The following TCAIM variants were observed in gnomAD, a reference collection of about 807,000 sequenced individuals.
TCAIM encodes T cell activation inhibitor, mitochondrial.
Under a neutral mutation model 58.6 loss-of-function variants are expected in TCAIM, and 36 were observed. The observed-to-expected ratio is 0.61, with a 90% confidence interval of 0.47 to 0.81. The LOEUF (loss-of-function observed/expected upper bound fraction) is 0.81, where lower values mean the gene tolerates loss of function less well. Ranked by LOEUF, TCAIM falls within the 30% of genes least tolerant of loss-of-function variation. The probability of loss-of-function intolerance (pLI) is 0.00; values close to 1 mark genes in which losing one functional copy is unlikely to be tolerated. For missense variants in TCAIM, 466 were observed against 579.6 expected, an observed-to-expected ratio of 0.80 and a Z score of 2.01; for synonymous variants, 172 against 193.6, an observed-to-expected ratio of 0.89 and a Z score of 0.93.
chr3:44,377,208 G>A (rs1434482091), intron 5 of TCAIM, among the ~76,000 whole-genome samples: 1 of 152,132 alleles, frequency 6.6e-6, no homozygotes, highest in African/African-American at 2.4e-5. Context: ...CCATGCAATA[G>A]TAACCAAAAG....
intron 5 of TCAIM, among the ~76,000 whole-genome samples, chr3:44,388,482 T>C (rs563133884): frequency 1.3e-5 from 2 of 152,320 alleles, no homozygotes; most frequent in East Asian, 3.9e-4. Context: ...GAAGTGACGT[T>C]GTGTTGTTTT....
chr3:44,407,854 T>C lies in TCAIM; in HGVS notation c.*172T>C, dbSNP rs537409810. 2.9e-6 allele frequency: 2 copies of C among 688,956 alleles called. No individual in the cohort carries two copies. The highest frequency in any genetic ancestry group is 3.7e-5 in the African/African-American group (2 of 54,042). 42.7% of individuals were successfully genotyped at this position (688,956 alleles called of 1,614,324 possible). ...AATTTCTGCTAGGAGAGGTTTTATA[T>C]GCCAGGCGTGGTGGCTCATGCCTGC... On this transcript the variant is annotated 3_prime_UTR_variant, in exon 11 of 11. Transcript: ENST00000342649.
At chr3:44,352,769 TCTGAGCTCTGC>T (rs1475859064) in intron 1 of TCAIM, among the ~76,000 whole-genome samples, 1 of 152,172 alleles carries the variant, frequency 6.6e-6, no homozygotes, top group East Asian at 1.9e-4. Flanking sequence ...CTAAAAATCC[TCTGAGCTCTGC>T]CTGTTCATCC....
At chr3:44,364,402 T>C (rs1222460277) in intron 4 of TCAIM, among the ~76,000 whole-genome samples, 1 of 151,998 alleles carries the variant, frequency 6.6e-6, no homozygotes, top group Non-Finnish European at 1.5e-5. Flanking sequence ...AGACAATAAA[T>C]AGACAGTTCA....
chr3:44,356,176 T>A (rs111425979), intron 2 of TCAIM, among the ~76,000 whole-genome samples: 2 of 152,252 alleles, frequency 1.3e-5, no homozygotes, highest in African/African-American at 2.4e-5. Context: ...TAAAGACTTG[T>A]CACACCTAAT....
Position 44,362,404 on chromosome 3 carries a change from C to T in TCAIM, c.319+886C>T, listed in dbSNP as rs539736186. ...GAAGATCCCTAATTTACACCTCACC[C>T]TCCCCCGGCTCTCAGGACTTCAAAT... On this transcript the variant is annotated intron_variant, in intron 4 of 10. Transcript: ENST00000342649. 3.5e-5 allele frequency: 14 copies of T among 400,894 alleles called. No homozygotes were observed. The East Asian group carries it at 5.0e-4, about 14-fold the overall frequency. The allele number at this position is 400,894 out of a possible 1,614,324, so 24.8% of individuals were successfully genotyped here. A position where few individuals can be genotyped will look rare whatever the true frequency, so the allele number is the denominator to read the frequency against.
chr3:44,348,554 T>C (rs1575236346), intron 1 of TCAIM, among the ~76,000 whole-genome samples: 1 of 152,326 alleles, frequency 6.6e-6, no homozygotes, highest in African/African-American at 2.4e-5. Flanking sequence ...AGTTCTTGTG[T>C]GCTGGAGATG....
At chr3:44,348,906 C>G (rs543154410) in intron 1 of TCAIM, among the ~76,000 whole-genome samples, 65 of 152,226 alleles carry the variant, frequency 4.3e-4, no homozygotes, top group Non-Finnish European at 5.9e-4. Context: ...CTTGACTATG[C>G]CTTTAGCTCC....
intron 1 of TCAIM, among the ~76,000 whole-genome samples, chr3:44,350,950 G>A (rs1037698634): frequency 6.6e-6 from 1 of 152,154 alleles, no homozygotes; most frequent in African/African-American, 2.4e-5. Context: ...TGAGAATTTA[G>A]TCCCTCACAG....
intron 4 of TCAIM, among the ~76,000 whole-genome samples, chr3:44,364,603 G>A (rs150332294): frequency 2.7e-3 from 406 of 151,988 alleles, no homozygotes; most frequent in Middle Eastern, 6.8e-3. Context: ...TTAACCAGGC[G>A]TGGTGGCATG....
chr3:44,344,660 TCA>T (rs1198041806), intron 1 of TCAIM, among the ~76,000 whole-genome samples: 1 of 152,140 alleles, frequency 6.6e-6, no homozygotes, highest in Non-Finnish European at 1.5e-5. Flanking sequence ...CTTATTACTG[TCA>T]CACGCGTCCG....
At position 44,392,212 on chromosome 3, in the gene TCAIM, AT is replaced by A. The variant is rs1215796968; in HGVS notation, c.573-639del. Among the ~76,000 whole-genome samples, 3 of 152,366 alleles carry A rather than the reference AT, an allele frequency of 2.0e-5. No individual in the cohort carries two copies. The East Asian group carries it at 5.8e-4, about 29-fold the overall frequency. The stretch of plus-strand genomic sequence containing the variant: ...GTGTTGGCAGTTCTCCAAGCAACTT[AT>A]TTTAAAAGTAGGTATCTCTGAAAAA... On this transcript the variant is annotated intron_variant, in intron 5 of 10. Transcript: ENST00000342649.
At chr3:44,393,625 C>T (rs2125652324) in intron 6 of TCAIM, among the ~76,000 whole-genome samples, 1 of 152,054 alleles carries the variant, frequency 6.6e-6, no homozygotes, top group African/African-American at 2.4e-5. Context: ...ATGCCCCCAT[C>T]TTGTAAGATA....
intron 3 of TCAIM, among the ~76,000 whole-genome samples, chr3:44,360,366 A>C (rs1575247673): frequency 6.6e-6 from 1 of 152,084 alleles, no homozygotes; most frequent in East Asian, 1.9e-4. Context: ...TCTTAGGAAG[A>C]GTGGCTTAAA....
In TCAIM at chr3:44,396,789, C is replaced by T. The variant is rs199987753; in HGVS notation, c.840C>T (p.Gly280=). Residue 280 remains glycine (G), a synonymous_variant, in exon 8 of 11, where the codon GGC becomes GGT. Coordinates refer to ENST00000342649, the MANE Select transcript of TCAIM (RefSeq NM_173826.4). ...ACCGTTCTGGCATGAGTGCAGTGGG[C>T]CATGTGATGCTAGGAACAATGGATG... ...FTDRSGMSAV[G]HVMLGTMDVH... The T allele has an allele frequency of 9.9e-6, 16 of 1,613,886 alleles. No individual in the cohort carries two copies. The highest frequency in any genetic ancestry group is 6.7e-5 in the Admixed American group (4 of 59,982).
At chr3:44,377,655 T>TAA (rs1047602196) in intron 5 of TCAIM, among the ~76,000 whole-genome samples, 2 of 152,134 alleles carry the variant, frequency 1.3e-5, no homozygotes, top group Non-Finnish European at 2.9e-5. Context: ...TTTCAAAAGA[T>TAA]AAATATACAG....
chr3:44,382,098 T>A (rs1701664454), intron 5 of TCAIM, among the ~76,000 whole-genome samples: 1 of 152,184 alleles, frequency 6.6e-6, no homozygotes, highest in Non-Finnish European at 1.5e-5. Flanking sequence ...CCTGATGACA[T>A]TTTTTGCACA....
intron 8 of TCAIM, among the ~76,000 whole-genome samples, chr3:44,397,598 G>A (rs1409123378): frequency 6.6e-6 from 1 of 152,148 alleles, no homozygotes; most frequent in Non-Finnish European, 1.5e-5. Flanking sequence ...GTGAACATTT[G>A]TGCACAAATA....
intron 1 of TCAIM, among the ~76,000 whole-genome samples, chr3:44,352,761 A>G (rs960961244): frequency 5.9e-5 from 9 of 152,070 alleles, no homozygotes; most frequent in African/African-American, 1.7e-4. Flanking sequence ...TCACTGCCCT[A>G]AAAATCCTCT....
Sources: allele counts gnomAD v4.1 joint callset (sites outside exome capture counted in the v4.1 genomes callset), GRCh38; gene constraint gnomAD v4.1.1; transcripts MANE v1.5; gene names NCBI Gene and HGNC (gene_info 2026-07-23, HGNC 2026-07-21).